The following BAIAP2L1 variants were observed in gnomAD, a reference collection of about 807,000 sequenced individuals.
BAIAP2L1 encodes the protein BAR/IMD domain-containing adapter protein 2-like 1.
In BAIAP2L1, 35 loss-of-function variants were observed where a neutral mutation model predicts 66.3. The ratio of observed to expected loss-of-function variants is 0.53; its 90% CI spans 0.40 to 0.70. The LOEUF (loss-of-function observed/expected upper bound fraction) is 0.70. Ranked by LOEUF, BAIAP2L1 falls within the 30% of genes least tolerant of loss-of-function variation. The pLI is 0.00. For synonymous variants in BAIAP2L1, 269 were observed against 248.7 expected (o/e 1.08, Z -0.77); for missense variants, 622 against 656.9 (o/e 0.95, Z 0.58).
At position 98,389,613 on chromosome 7, in the gene BAIAP2L1, T is replaced by C. The variant is rs1802978426; in HGVS notation, c.51+11189A>G. On this transcript the variant is annotated intron_variant, in intron 1 of 13. Coordinates refer to ENST00000005260, the MANE Select transcript of BAIAP2L1 (RefSeq NM_018842.5). Reference sequence around the variant, plus strand: ...TGGGATTACGGGCATGAGGAGGCCTTATATTTTAATCATCTGAGATTTCCC... The same window carrying C: ...TGGGATTACGGGCATGAGGAGGCCTCATATTTTAATCATCTGAGATTTCCC... Among the ~76,000 whole-genome samples, 3 of 151,968 alleles carry C rather than the reference T, an allele frequency of 2.0e-5. No individual in the cohort carries two copies. In the South Asian group the frequency reaches 6.2e-4, roughly 32 times the overall value.
At chr7:98,338,448 C>T (rs1353203589) in intron 3 of BAIAP2L1, among the ~76,000 whole-genome samples, 1 of 151,282 alleles carries the variant, frequency 6.6e-6, no homozygotes, top group East Asian at 1.9e-4. Flanking sequence ...AAAGACATGC[C>T]GTTAAGCAGC....
In BAIAP2L1 at chr7:98,369,679, T is replaced by C. The variant is rs868216852; in HGVS notation, c.52-7247A>G. Reference sequence around the variant, plus strand: ...GATTTCCTAATTTTTTTTTTTTTTTTTTTTTTTTTTGAGCTAGAGCTTTGC... The same window carrying C: ...GATTTCCTAATTTTTTTTTTTTTTTCTTTTTTTTTTGAGCTAGAGCTTTGC... On this transcript the variant is annotated intron_variant, in intron 1 of 13. Coordinates refer to ENST00000005260, the MANE Select transcript of BAIAP2L1 (RefSeq NM_018842.5). Among the ~76,000 whole-genome samples, 53 of 141,956 alleles carry C rather than the reference T, an allele frequency of 3.7e-4. No homozygotes were observed. In the Middle Eastern group the frequency reaches 0.014, roughly 38 times the overall value. The allele number at this position is 141,956 out of a possible 152,430, so 93.1% of individuals were successfully genotyped here. A position where few individuals can be genotyped will look rare whatever the true frequency, so the allele number is the denominator to read the frequency against.
At chr7:98,308,043 T>G (rs1800727524) in intron 9 of BAIAP2L1, 147 bp from the exon 10 acceptor site, 1 of 797,206 alleles carries the variant, frequency 1.3e-6, no homozygotes. Flanking sequence ...ATTTCCTCGC[T>G]TTGATCATTG....
intron 1 of BAIAP2L1, among the ~76,000 whole-genome samples, chr7:98,366,471 C>A (rs1184970159): frequency 6.6e-6 from 1 of 152,182 alleles, no homozygotes; most frequent in Non-Finnish European, 1.5e-5. Flanking sequence ...CATCAGACTC[C>A]TTTCCCCAGG....
rs567630279 is a variant in BAIAP2L1 at position 98,394,390 on chromosome 7, A to T, written c.51+6412T>A. Among the ~76,000 whole-genome samples the T allele has an allele frequency of 4.6e-5, 7 of 152,276 alleles. No individual in the cohort carries two copies. The East Asian group carries it at 1.4e-3, about 29-fold the overall frequency. ...ACAACTGTATGGCCTCTCAGACCAGAATTTCCTAGGTCTTGGTTTGTCTTC... is the reference window on the plus strand; with the variant it reads ...ACAACTGTATGGCCTCTCAGACCAGTATTTCCTAGGTCTTGGTTTGTCTTC... On this transcript the variant is annotated intron_variant, in intron 1 of 13. Coordinates refer to ENST00000005260, the MANE Select transcript of BAIAP2L1 (RefSeq NM_018842.5).
At chr7:98,370,549 G>A (rs1157101355) in intron 1 of BAIAP2L1, among the ~76,000 whole-genome samples, 1 of 151,608 alleles carries the variant, frequency 6.6e-6, no homozygotes, top group Non-Finnish European at 1.5e-5. Context: ...CTGTCGCCCA[G>A]GGAGTGCAGT....
intron 1 of BAIAP2L1, among the ~76,000 whole-genome samples, chr7:98,398,475 TA>T (rs34124383): frequency 2.0e-3 from 291 of 144,862 alleles, no homozygotes; most frequent in Middle Eastern, 3.6e-3. Flanking sequence ...ACCTGGACAT[TA>T]AAAAAAAAAA....
intron 3 of BAIAP2L1, among the ~76,000 whole-genome samples, chr7:98,352,034 C>T (rs1019728655): frequency 1.3e-5 from 2 of 151,474 alleles, no homozygotes; most frequent in African/African-American, 4.8e-5. Flanking sequence ...AGTAACTAGA[C>T]AATAAAATCT....
chr7:98,340,651 A>G (rs1250428713), intron 3 of BAIAP2L1, among the ~76,000 whole-genome samples: 1 of 152,152 alleles, frequency 6.6e-6, no homozygotes. Flanking sequence ...AAGCTGAGAG[A>G]AGGAATGTTC....
chr7:98,343,965 G>A (rs1801810476), intron 3 of BAIAP2L1, among the ~76,000 whole-genome samples: 1 of 152,310 alleles, frequency 6.6e-6, no homozygotes, highest in East Asian at 1.9e-4. Context: ...CGGATCATGA[G>A]GTCAAGAGAT....
chr7:98,393,124 T>TACACACATATGTGTAC (rs1803100760), intron 1 of BAIAP2L1, among the ~76,000 whole-genome samples: 1 of 105,020 alleles, frequency 9.5e-6, no homozygotes, highest in African/African-American at 3.0e-5. Context: ...CACATATATG[T>TACACACATATGTGTAC]ATATATACAC....
rs149274707 is a variant in BAIAP2L1 at position 98,363,734 on chromosome 7, C to T, written c.52-1302G>A. On this transcript the variant is annotated intron_variant, in intron 1 of 13. Transcript: ENST00000005260. ...CCCCAAAGAGACCATTCAAGTCTCA[C>T]CGACCCCTTCCCCAAATGCATGCTC... Among the ~76,000 whole-genome samples the T allele has an allele frequency of 2.1e-3, 317 of 152,246 alleles. 3 individuals are homozygous for T. The highest frequency in any genetic ancestry group is 7.5e-3 in the African/African-American group (312 of 41,548).
At chr7:98,357,015 A>C (rs1408341477) in intron 2 of BAIAP2L1, among the ~76,000 whole-genome samples, 107 of 28,410 alleles carry the variant, frequency 3.8e-3, no homozygotes, top group South Asian at 0.011. Flanking sequence ...AAAAAAAAAA[A>C]AAAAAATATA....
chr7:98,367,745 G>C lies in BAIAP2L1; in HGVS notation c.52-5313C>G, dbSNP rs149012247. Among the ~76,000 whole-genome samples, 23 of 151,976 alleles carry C rather than the reference G, an allele frequency of 1.5e-4. No homozygotes were observed. The East Asian group carries it at 4.5e-3, about 30-fold the overall frequency. ...AGAGACGGGTTTCACTGTTAGCCAG[G>C]ATGGTCTCGATTTCCTGACCTTGTG... On this transcript the variant is annotated intron_variant, in intron 1 of 13. Coordinates refer to ENST00000005260, the MANE Select transcript of BAIAP2L1 (RefSeq NM_018842.5).
Position 98,303,208 on chromosome 7 carries a change from G to T in BAIAP2L1, c.1422+988C>A, listed in dbSNP as rs138236332. Among the ~76,000 whole-genome samples, 4 of 152,304 alleles carry T rather than the reference G, an allele frequency of 2.6e-5. No homozygotes were observed. In the East Asian group the frequency reaches 7.7e-4, roughly 29 times the overall value. ...CTCAAGGCTCACGCGTAGGTCTGGGGCAGGCACATCTTAGAAGCACATCCG... is the reference window on the plus strand; with the variant it reads ...CTCAAGGCTCACGCGTAGGTCTGGGTCAGGCACATCTTAGAAGCACATCCG... On this transcript the variant is annotated intron_variant, in intron 12 of 13. Coordinates refer to ENST00000005260, the MANE Select transcript of BAIAP2L1 (RefSeq NM_018842.5).
chr7:98,292,489 C>T lies in BAIAP2L1; in HGVS notation c.*1032G>A, dbSNP rs941879356. ...GCTGGGAATTTTAACCATGACTCTC[C>T]ACTCCAAAATAGGTCCAGATCCTTG... On this transcript the variant is annotated 3_prime_UTR_variant, in exon 14 of 14. Transcript: ENST00000005260. 1.1e-5 allele frequency: 8 copies of T among 740,510 alleles called. No individual in the cohort carries two copies. Among genetic ancestry groups the T allele is most frequent in the African/African-American group, 7.1e-5 (4 of 56,104 alleles). The allele number at this position is 740,510 out of a possible 1,614,324, so 45.9% of individuals were successfully genotyped here.
At chr7:98,382,482 C>CA (rs909772449) in intron 1 of BAIAP2L1, among the ~76,000 whole-genome samples, 6 of 151,960 alleles carry the variant, frequency 3.9e-5, no homozygotes, top group African/African-American at 9.6e-5. Flanking sequence ...TGTGTCTCTA[C>CA]AAAAAATAAA....
At chr7:98,386,824 C>T (rs1301341856) in intron 1 of BAIAP2L1, among the ~76,000 whole-genome samples, 1 of 151,178 alleles carries the variant, frequency 6.6e-6, no homozygotes, top group Non-Finnish European at 1.5e-5. Context: ...CTCAGCCTCC[C>T]GAGTAGCTGG....
intron 1 of BAIAP2L1, among the ~76,000 whole-genome samples, chr7:98,397,294 C>A (rs926018798): frequency 1.3e-5 from 2 of 150,228 alleles, no homozygotes; most frequent in South Asian, 2.1e-4. Context: ...CTGCCACACC[C>A]GTTCTTCCTC....
Sources: allele counts gnomAD v4.1 joint callset (sites outside exome capture counted in the v4.1 genomes callset), GRCh38; gene constraint gnomAD v4.1.1; transcripts MANE v1.5; gene names NCBI Gene and HGNC (gene_info 2026-07-23, HGNC 2026-07-21).